FRMD4A: variants seen among roughly 807,000 people sequenced by gnomAD.
FRMD4A encodes the protein FERM domain-containing protein 4A.
In FRMD4A, 29 loss-of-function variants were observed where a neutral mutation model predicts 129.1. The ratio of observed to expected loss-of-function variants is 0.22; its 90% CI spans 0.17 to 0.31. The LOEUF is 0.31. FRMD4A is among the 10% of genes least tolerant of loss of function. The probability of loss-of-function intolerance (pLI) is 1.00; values close to 1 mark genes in which losing one functional copy is unlikely to be tolerated. For synonymous variants in FRMD4A, 634 were observed against 571.6 expected (o/e 1.11, Z -1.56); for missense variants, 1,272 against 1,375.8 (o/e 0.92, Z 1.19).
intron 3 of FRMD4A, among the ~76,000 whole-genome samples, chr10:13,834,960 C>T (rs1232762779): frequency 6.6e-6 from 1 of 152,118 alleles, no homozygotes; most frequent in African/African-American, 2.4e-5. Context: ...GATAATTCCC[C>T]GTGATAGCAG....
chr10:13,843,971 G>T (rs554693220), intron 3 of FRMD4A, among the ~76,000 whole-genome samples: 23 of 152,184 alleles, frequency 1.5e-4, no homozygotes, highest in Non-Finnish European at 2.9e-4. Context: ...TGTGTGGAAA[G>T]ATTATAATTT....
At chr10:13,702,540 ATGTGTG>A (rs398012859) in intron 13 of FRMD4A, among the ~76,000 whole-genome samples, 2,043 of 107,814 alleles carry the variant, frequency 0.019, 14 homozygotes, top group African/African-American at 0.032. Flanking sequence ...GTGTGTTTGC[ATGTGTG>A]TGTGTGTGTG....
chr10:13,868,890 A>AAGTG (rs2094406818), intron 2 of FRMD4A, among the ~76,000 whole-genome samples: 1 of 152,214 alleles, frequency 6.6e-6, no homozygotes, highest in African/African-American at 2.4e-5. Flanking sequence ...GGAAGTTATT[A>AAGTG]AGTGAGTGGC....
intron 12 of FRMD4A, chr10:13,707,879 C>T: frequency 1.0e-6 from 1 of 985,368 alleles, no homozygotes; most frequent in Non-Finnish European, 1.2e-6. Context: ...TCCTTCGGAC[C>T]AGTGAGCTCG....
At chr10:14,125,830 G>T (rs1838808116) in intron 2 of FRMD4A, among the ~76,000 whole-genome samples, 2 of 150,562 alleles carry the variant, frequency 1.3e-5, no homozygotes, top group Admixed American at 1.3e-4. Flanking sequence ...GCATTAGTAG[G>T]TAAGTCTGCT....
intron 2 of FRMD4A, among the ~76,000 whole-genome samples, chr10:13,933,809 A>C (rs970276109): frequency 5.3e-5 from 8 of 152,158 alleles, no homozygotes; most frequent in Admixed American, 2.6e-4. Flanking sequence ...CAGCTTCCCC[A>C]AGGACTTGGA....
chr10:13,765,868 G>A (rs1280200188), intron 6 of FRMD4A, among the ~76,000 whole-genome samples: 1 of 152,200 alleles, frequency 6.6e-6, no homozygotes, highest in Non-Finnish European at 1.5e-5. Flanking sequence ...CCACCTGAAT[G>A]CCTTGGGGTG....
At chr10:13,688,390 G>A (rs902090199) in intron 15 of FRMD4A, among the ~76,000 whole-genome samples, 4 of 151,950 alleles carry the variant, frequency 2.6e-5, no homozygotes, top group African/African-American at 7.3e-5. Context: ...ACTGGGGACT[G>A]TTGTGGGGTG....
intron 2 of FRMD4A, among the ~76,000 whole-genome samples, chr10:13,930,986 C>T (rs1274238932): frequency 1.3e-5 from 2 of 152,108 alleles, no homozygotes; most frequent in Non-Finnish European, 2.9e-5. Context: ...GTGCACACCA[C>T]CGTACCTAGC....
chr10:14,082,463 G>T (rs1397277409), intron 2 of FRMD4A, among the ~76,000 whole-genome samples: 2 of 152,140 alleles, frequency 1.3e-5, no homozygotes, highest in Non-Finnish European at 2.9e-5. Context: ...TAGGGGATGA[G>T]GGGTAGACAT....
intron 2 of FRMD4A, among the ~76,000 whole-genome samples, chr10:14,157,046 C>A (rs1029858384): frequency 6.6e-6 from 1 of 152,072 alleles, no homozygotes; most frequent in Admixed American, 6.5e-5. Flanking sequence ...AACATGTTTT[C>A]AACTCCCCAC....
intron 2 of FRMD4A, among the ~76,000 whole-genome samples, chr10:14,295,896 A>G (rs1048423724): frequency 3.3e-5 from 5 of 152,222 alleles, no homozygotes; most frequent in African/African-American, 1.2e-4. Context: ...GAAATGCAGC[A>G]GTTTAAACGG....
chr10:14,090,845 T>G (rs1588953894), intron 2 of FRMD4A, among the ~76,000 whole-genome samples: 1 of 152,186 alleles, frequency 6.6e-6, no homozygotes, highest in Non-Finnish European at 1.5e-5. Flanking sequence ...ATTTTATGTT[T>G]GTTTTTATTT....
intron 2 of FRMD4A, among the ~76,000 whole-genome samples, chr10:13,880,946 G>A (rs1345665248): frequency 1.3e-5 from 2 of 152,010 alleles, no homozygotes; most frequent in Non-Finnish European, 2.9e-5. Context: ...CTCCCCAGGG[G>A]CAAGACTTGG....
At chr10:14,303,824 C>T (rs550592644) in intron 2 of FRMD4A, among the ~76,000 whole-genome samples, 4 of 152,256 alleles carry the variant, frequency 2.6e-5, no homozygotes, top group South Asian at 2.1e-4. Context: ...TTATTATTAT[C>T]ATGGTTTATT....
chr10:13,657,596 G>C (rs75171119), intron 21 of FRMD4A, 74 bp from the exon 22 acceptor site: 1 of 1,449,624 alleles, frequency 6.9e-7, no homozygotes, highest in Admixed American at 2.5e-5. Flanking sequence ...GGAGGAGGGG[G>C]TCCTGAGGAG....
In FRMD4A at chr10:13,897,193, T is replaced by G. The variant is rs1172366980; in HGVS notation, c.46-38281A>C. ...CATTTTCAGCTTGAGTTTAATACTTTTCGAGACTCTTTCTGCAAAGAGAAA... is the reference window on the plus strand; with the variant it reads ...CATTTTCAGCTTGAGTTTAATACTTGTCGAGACTCTTTCTGCAAAGAGAAA... On this transcript the variant is annotated intron_variant, in intron 2 of 24. Coordinates refer to ENST00000357447, the MANE Select transcript of FRMD4A (RefSeq NM_018027.5). 3.3e-5 allele frequency among the ~76,000 whole-genome samples: 5 copies of G among 152,364 alleles called. No individual in the cohort carries two copies. The East Asian group carries it at 9.6e-4, about 29-fold the overall frequency.
At chr10:13,832,387 C>G in intron 3 of FRMD4A, among the ~76,000 whole-genome samples, 1 of 152,170 alleles carries the variant, frequency 6.6e-6, no homozygotes. Flanking sequence ...GAACAGGAAG[C>G]AGGAGGTCTG....
chr10:13,695,998 C>T (rs141368110), intron 14 of FRMD4A, among the ~76,000 whole-genome samples: 5 of 152,328 alleles, frequency 3.3e-5, no homozygotes, highest in African/African-American at 9.6e-5. Context: ...TGAGGCATGG[C>T]GCTTGTTTTC....
Sources: allele counts gnomAD v4.1 joint callset (sites outside exome capture counted in the v4.1 genomes callset), GRCh38; gene constraint gnomAD v4.1.1; transcripts MANE v1.5; gene names NCBI Gene and HGNC (gene_info 2026-07-23, HGNC 2026-07-21).